ELFN2: variants seen among roughly 807,000 people sequenced by gnomAD.
ELFN2 encodes extracellular leucine rich repeat and fibronectin type III domain containing 2.
In ELFN2, 17 loss-of-function variants were observed where a neutral mutation model predicts 45.5. The observed-to-expected ratio is 0.37, with a 90% CI of 0.26 to 0.56. The LOEUF (loss-of-function observed/expected upper bound fraction) is 0.56. Among genes scored for constraint, ELFN2 ranks in the 20% least tolerant of loss-of-function variants. The pLI, the probability that ELFN2 is intolerant of heterozygous loss-of-function variation, is 0.77. For synonymous variants in ELFN2, 550 were observed against 551.5 expected (o/e 1.00, Z 0.04); for missense variants, 922 against 1,183.2 (o/e 0.78, Z 3.24).
In ELFN2 at chr22:37,381,935, G is replaced by A. The variant is rs557909830; in HGVS notation, c.-462-5939C>T. On this transcript the variant is annotated intron_variant, in intron 2 of 2. Transcript: ENST00000402918. Reference sequence around the variant, plus strand: ...CGCGCCTCTGCACTCCAGCCTGGGCGACAGAGTGAGACTCCGTCTCAAAAA... The same window carrying A: ...CGCGCCTCTGCACTCCAGCCTGGGCAACAGAGTGAGACTCCGTCTCAAAAA... 2.8e-4 allele frequency among the ~76,000 whole-genome samples: 31 copies of A among 109,812 alleles called. No homozygotes were observed. In the Admixed American group the frequency reaches 3.1e-3, roughly 11 times the overall value. 72.0% of individuals were successfully genotyped at this position (109,812 alleles called of 152,430 possible).
intron 2 of ELFN2, among the ~76,000 whole-genome samples, chr22:37,379,616 G>C (rs1203754580): frequency 1.3e-5 from 2 of 152,208 alleles, no homozygotes; most frequent in Non-Finnish European, 2.9e-5. Flanking sequence ...GGGGGCTCCC[G>C]GTCTGCAGGC....
intron 2 of ELFN2, among the ~76,000 whole-genome samples, chr22:37,379,824 C>A (rs1003984690): frequency 4.6e-5 from 7 of 152,090 alleles, no homozygotes; most frequent in African/African-American, 1.7e-4. Context: ...GCCCAGTGAT[C>A]CCGCTGGGTT....
In ELFN2 at chr22:37,371,969, GGGCAGGTGGGGACACAGGCCATGGGGACA is replaced by G. The variant is rs1274412968; in HGVS notation, c.*1074_*1102del. 1 of 152,368 alleles carries G rather than the reference GGGCAGGTGGGGACACAGGCCATGGGGACA, an allele frequency of 6.6e-6. No homozygotes were observed. Among genetic ancestry groups the G allele is most frequent in the Admixed American group, 6.5e-5 (1 of 15,290 alleles). 9.4% of individuals were successfully genotyped at this position (152,368 alleles called of 1,614,324 possible). A position where few individuals can be genotyped will look rare whatever the true frequency, so the allele number is the denominator to read the frequency against. On this transcript the variant is annotated 3_prime_UTR_variant, in exon 3 of 3. Coordinates refer to ENST00000402918, the MANE Select transcript of ELFN2 (RefSeq NM_052906.5). This position sits in a 1 kb window ranked among gnomAD's most constrained non-coding sequence, Gnocchi z 6.4. ...GGAGCCGAGATCCCACGATGGGGTCGGGCAGGTGGGGACACAGGCCATGGGGACAGGCAGGAAGTCCCCCATGACAGCTC... is the reference window on the plus strand; with the variant it reads ...GGAGCCGAGATCCCACGATGGGGTCGGGCAGGAAGTCCCCCATGACAGCTC...
rs756964166 is a variant in ELFN2 at position 37,374,176 on chromosome 22, C to T, written c.1359G>A (p.Val453=). The T allele has an allele frequency of 1.2e-6, 2 of 1,613,188 alleles. No homozygotes were observed. Among genetic ancestry groups the T allele is most frequent in the Admixed American group, 3.3e-5 (2 of 60,020 alleles). Residue 453 remains valine, a synonymous_variant, in exon 3 of 3, where the codon GTG becomes GTA. Transcript: ENST00000402918. ...GCTCGCCCAGCTTCTGGGCGGCGTG[C>T]ACAATGGAGCCGGCATCCACATCAG... ...YGADVDAGSI[V]HAAQKLGEPP... is the part of the protein sequence containing the mutation.
In ELFN2 at chr22:37,407,631, C is replaced by T. The variant is rs1932537581; in HGVS notation, c.-463+10138G>A. On this transcript the variant is annotated intron_variant, in intron 2 of 2. Transcript: ENST00000402918. ...CCCACCCGGCGGCCAGGCGCAGTGG[C>T]TCATGCCTGTAATCCCAATACTTTG... Among the ~76,000 whole-genome samples, 3 of 151,994 alleles carry T rather than the reference C, an allele frequency of 2.0e-5. No individual in the cohort carries two copies. In the South Asian group the frequency reaches 6.2e-4, roughly 31 times the overall value.
At chr22:37,394,237 G>A (rs1296649373) in intron 2 of ELFN2, among the ~76,000 whole-genome samples, 1 of 152,140 alleles carries the variant, frequency 6.6e-6, no homozygotes, top group African/African-American at 2.4e-5. Context: ...ACACCTGTGT[G>A]TCTGCTGCCG....
chr22:37,356,809 T>C (rs1413335253), intron 1 of ELFN2, among the ~76,000 whole-genome samples: 2 of 152,222 alleles, frequency 1.3e-5, no homozygotes, highest in Non-Finnish European at 2.9e-5. Flanking sequence ...GCAGGAGGGA[T>C]GTGAACCACA....
At chr22:37,395,869 A>T (rs2145664885) in intron 2 of ELFN2, among the ~76,000 whole-genome samples, 1 of 152,304 alleles carries the variant, frequency 6.6e-6, no homozygotes, top group East Asian at 1.9e-4. Flanking sequence ...TCAGGGGACA[A>T]GCAGGGTGCA....
At chr22:37,347,471 G>A (rs1428202062) in intron 1 of ELFN2, among the ~76,000 whole-genome samples, 2 of 152,148 alleles carry the variant, frequency 1.3e-5, no homozygotes, top group African/African-American at 2.4e-5. Flanking sequence ...CTCTGGCCGT[G>A]GAAGCACCTC....
intron 1 of ELFN2, chr22:37,420,319 C>A (rs1472237279): frequency 2.6e-5 from 4 of 152,414 alleles, no homozygotes; most frequent in African/African-American, 7.2e-5. Flanking sequence ...CAATCCCAGC[C>A]GGCCTCCAGA....
At chr22:37,357,937 C>T (rs568680619) in intron 1 of ELFN2, among the ~76,000 whole-genome samples, 18 of 152,292 alleles carry the variant, frequency 1.2e-4, no homozygotes, top group South Asian at 4.1e-4. Context: ...CATCTGAAGC[C>T]GAAGTGAAGT....
At chr22:37,365,308 C>T (rs1173723869), downstream of ELFN2, among the ~76,000 whole-genome samples, 1 of 152,198 alleles carries the variant, frequency 6.6e-6, no homozygotes, top group Non-Finnish European at 1.5e-5. Flanking sequence ...GGGGAATATT[C>T]AGCTAAACAA....
At chr22:37,412,277 C>CAAAAAAAAAAAAAAAAAAAAAA (rs56073200) in intron 2 of ELFN2, among the ~76,000 whole-genome samples, 1 of 92,306 alleles carries the variant, frequency 1.1e-5, no homozygotes, top group African/African-American at 4.4e-5. Flanking sequence ...AACTCCGTCT[C>CAAAAAAAAAAAAAAAAAAAAAA]AAAAAAAAAA....
At chr22:37,380,840 G>A (rs1407636788) in intron 2 of ELFN2, among the ~76,000 whole-genome samples, 1 of 152,196 alleles carries the variant, frequency 6.6e-6, no homozygotes, top group African/African-American at 2.4e-5. Context: ...CAAGCCGGGG[G>A]TCTGAACACC....
At chr22:37,365,878 G>A (rs117928298), downstream of ELFN2, among the ~76,000 whole-genome samples, 118 of 147,576 alleles carry the variant, frequency 8.0e-4, 2 homozygotes, top group East Asian at 0.023. Flanking sequence ...TCACCTTTTT[G>A]TCATCTATAT....
chr22:37,374,788 C>A lies in ELFN2; in HGVS notation c.747G>T (p.Ser249=), dbSNP rs907933429. The A allele has an allele frequency of 3.7e-6, 6 of 1,606,494 alleles. No individual in the cohort carries two copies. Among genetic ancestry groups the A allele is most frequent in the Non-Finnish European group, 5.1e-6 (6 of 1,179,108 alleles). ...GGTGGCTCACGGGCCGGGCGGGCAG[C>A]GAGCCATTCCGACACTTGGCCTGGA... ...TVLQAKCRNG[S]LPARPVSHPT... Residue 249 remains serine, a synonymous_variant, in exon 3 of 3, where the codon TCG becomes TCT. Transcript: ENST00000402918.
At position 37,417,941 on chromosome 22, in the gene ELFN2, A is replaced by G. The variant is rs1569144622; in HGVS notation, c.-613-22T>C. 1 of 120,442 alleles carries G rather than the reference A, an allele frequency of 8.3e-6. No individual in the cohort carries two copies. Among genetic ancestry groups the G allele is most frequent in the African/African-American group, 3.1e-5 (1 of 31,840 alleles). The allele number at this position is 120,442 out of a possible 1,614,324, so 7.5% of individuals were successfully genotyped here. A position where few individuals can be genotyped will look rare whatever the true frequency, so the allele number is the denominator to read the frequency against. On this transcript the variant is annotated intron_variant, in intron 1 of 2. Coordinates refer to ENST00000402918, the MANE Select transcript of ELFN2 (RefSeq NM_052906.5). This position sits in a 1 kb window ranked among gnomAD's most constrained non-coding sequence, Gnocchi z 4.5. ...CCTTCTGCAGGGAGGCGAGGGGGAGAGAGGGGAGGGAGGGAGAGAAGGGGA... is the reference window on the plus strand; with the variant it reads ...CCTTCTGCAGGGAGGCGAGGGGGAGGGAGGGGAGGGAGGGAGAGAAGGGGA...
In ELFN2 at chr22:37,374,277, G is replaced by A. The variant is rs375922851; in HGVS notation, c.1258C>T (p.Arg420Cys). ...IVLGAVYYCLRKRRMQEEKQK... is the reference protein window; with the variant it reads ...IVLGAVYYCLCKRRMQEEKQK... ...TTCTCCTCCTGCATGCGCCGCTTGC[G>A]CAGGCAGTAGTACACGGCTCCCAGC... Residue 420 changes from arginine to cysteine, a missense_variant, in exon 3 of 3, where the codon CGC becomes TGC. By Grantham distance (180) the Arg-to-Cys change is radical. Transcript: ENST00000402918. 5.3e-5 allele frequency: 85 copies of A among 1,613,876 alleles called. No homozygotes were observed. The highest frequency in any genetic ancestry group is 4.5e-5 in the East Asian group (2 of 44,892).
chr22:37,415,395 G>A lies in ELFN2; in HGVS notation c.-463+2374C>T, dbSNP rs137876930. Among the ~76,000 whole-genome samples the A allele has an allele frequency of 3.3e-3, 498 of 152,350 alleles. 4 individuals carry two copies. Among genetic ancestry groups the A allele is most frequent in the African/African-American group, 0.01 (434 of 41,582 alleles). On this transcript the variant is annotated intron_variant, in intron 2 of 2. Coordinates refer to ENST00000402918, the MANE Select transcript of ELFN2 (RefSeq NM_052906.5). ...GGCAACGGCTGTGGGGACAGGGCTC[G>A]CCTGATGAAAGTGCACACACAGGCC...
Sources: allele counts gnomAD v4.1 joint callset (sites outside exome capture counted in the v4.1 genomes callset), GRCh38; gene constraint gnomAD v4.1.1; non-coding constraint Gnocchi (gnomAD v3.1); transcripts MANE v1.5; gene names NCBI Gene and HGNC (gene_info 2026-07-23, HGNC 2026-07-21).